Variants in DDHD1 observed in about 807,000 individuals in gnomAD.
The protein encoded by DDHD1 is phospholipase DDHD1.
In DDHD1, 49 loss-of-function variants were observed where a neutral mutation model predicts 96.4. That is an observed-to-expected ratio of 0.51 (90% CI 0.40 to 0.64). DDHD1 has a LOEUF of 0.64. DDHD1 is among the 30% of genes least tolerant of loss of function. The probability of loss-of-function intolerance (pLI) is 0.00; values close to 1 mark genes in which losing one functional copy is unlikely to be tolerated. For missense variants in DDHD1, 1,106 were observed against 1,161.2 expected, an observed-to-expected ratio of 0.95 and a Z score of 0.69; for synonymous variants, 442 against 446.5, an observed-to-expected ratio of 0.99 and a Z score of 0.13.
chr14:53,110,082 G>A (rs1887995731), intron 1 of DDHD1, among the ~76,000 whole-genome samples: 1 of 152,146 alleles, frequency 6.6e-6, no homozygotes, highest in East Asian at 1.9e-4. Flanking sequence ...CAGTATTTAG[G>A]TGGCTACCCA....
rs1372129783 is a variant in DDHD1, at chr14:53,044,994, G to A, written c.*1774C>T. 1 of 152,170 alleles carries A rather than the reference G, an allele frequency of 6.6e-6. No homozygotes were observed. Among genetic ancestry groups the A allele is most frequent in the Non-Finnish European group, 1.5e-5 (1 of 68,042 alleles). 9.4% of individuals were successfully genotyped at this position (152,170 alleles called of 1,614,324 possible). A position where few individuals can be genotyped will look rare whatever the true frequency, so the allele number is the denominator to read the frequency against. ...CCTAGTGGAAACCACTCAGAAGTGAGGGTTGTGTGCAACAGGGATGGCTAC... is the reference window on the plus strand; with the variant it reads ...CCTAGTGGAAACCACTCAGAAGTGAAGGTTGTGTGCAACAGGGATGGCTAC... On this transcript the variant is annotated 3_prime_UTR_variant, in exon 13 of 13. Coordinates refer to ENST00000673822, the MANE Select transcript of DDHD1 (RefSeq NM_001160148.2).
rs1881945939 is a variant in DDHD1, at chr14:53,045,492, G to C, written c.*1276C>G. On this transcript the variant is annotated 3_prime_UTR_variant, in exon 13 of 13. Transcript: ENST00000673822. ...TCCCATCTTGGCCTCCCGAAGTGTT[G>C]GGATTACAGGCGTGAACCACGGTGA... 6.6e-6 allele frequency: 1 copy of C among 152,202 alleles called. No individual in the cohort carries two copies. The highest frequency in any genetic ancestry group is 1.5e-5 in the Non-Finnish European group (1 of 68,064). 9.4% of individuals were successfully genotyped at this position (152,202 alleles called of 1,614,324 possible).
intron 2 of DDHD1, chr14:53,096,270 C>T (rs1886877043): frequency 1.2e-6 from 1 of 854,688 alleles, no homozygotes; most frequent in African/African-American, 1.8e-5. Flanking sequence ...TGAGATTTGC[C>T]ATTTTGCCTT....
At chr14:53,107,066 T>C (rs1371320646) in intron 1 of DDHD1, among the ~76,000 whole-genome samples, 1 of 152,204 alleles carries the variant, frequency 6.6e-6, no homozygotes, top group Non-Finnish European at 1.5e-5. Context: ...GTAATTAATA[T>C]ACAGTAGTCC....
intron 1 of DDHD1, among the ~76,000 whole-genome samples, chr14:53,132,493 CATCT>C (rs952454712): frequency 9.8e-5 from 15 of 152,288 alleles, no homozygotes; most frequent in African/African-American, 3.4e-4. Context: ...GTGTCTTCCC[CATCT>C]ATCACTGAGT....
intron 4 of DDHD1, among the ~76,000 whole-genome samples, chr14:53,082,336 A>C (rs1406547636): frequency 1.3e-5 from 2 of 152,196 alleles, no homozygotes; most frequent in Non-Finnish European, 2.9e-5. Context: ...ATTAGAAAAA[A>C]ATTGGTAAAC....
chr14:53,141,730 T>G (rs1366547488), intron 1 of DDHD1, among the ~76,000 whole-genome samples: 2 of 152,126 alleles, frequency 1.3e-5, no homozygotes, highest in Admixed American at 6.5e-5. Context: ...GGAATTAAGG[T>G]GAAGTGTGAA....
chr14:53,152,387 A>T lies in DDHD1; in HGVS notation c.712T>A (p.Cys238Ser). Residue 238 changes from cysteine (C) to serine (S), a missense_variant, in exon 1 of 13, where the codon TGC becomes AGC. Physicochemically the swap from Cys to Ser is moderately radical, Grantham distance 112 (BLOSUM62 -1). Coordinates refer to ENST00000673822, the MANE Select transcript of DDHD1 (RefSeq NM_001160148.2). ...GGCTCGTGCCCCGTCGTACTCTGGCAGAAGCCGCAGGCGCGGTCCTCATCG... is the reference window on the plus strand; with the variant it reads ...GGCTCGTGCCCCGTCGTACTCTGGCTGAAGCCGCAGGCGCGGTCCTCATCG... The part of the protein sequence containing the change: ...DDDEDRACGF[C>S]QSTTGHEPEM... The T allele has an allele frequency of 6.2e-7, 1 of 1,613,844 alleles. No individual in the cohort carries two copies. The highest frequency in any genetic ancestry group is 8.5e-7 in the Non-Finnish European group (1 of 1,179,946).
Position 53,058,526 on chromosome 14 carries a change from C to T in DDHD1, c.1943G>A (p.Arg648Lys). 6.2e-7 allele frequency: 1 copy of T among 1,613,790 alleles called. No individual in the cohort carries two copies. The highest frequency in any genetic ancestry group is 1.3e-5 in the African/African-American group (1 of 75,044). The change falls in exon 9 of 13, where the codon AGA becomes AAA. Residue 648 changes from arginine to lysine, a missense_variant. This residue lies in a region of DDHD1 where 650 missense variants were observed against 758.8 expected (regional missense o/e 0.86). Coordinates refer to ENST00000673822, the MANE Select transcript of DDHD1 (RefSeq NM_001160148.2). ...NTGSQDHILP[R>K]EICNRLLNIF... The stretch of plus-strand genomic sequence containing the variant: ...ATTTAGTAACCGGTTACAAATCTCT[C>T]TAGGCAAAATATGGTCTTGACTTCC...
intron 2 of DDHD1, among the ~76,000 whole-genome samples, chr14:53,095,809 T>C (rs531996868): frequency 6.6e-6 from 1 of 152,296 alleles, no homozygotes; most frequent in South Asian, 2.1e-4. Context: ...GAGCAACAGA[T>C]GCTTAAAACG....
At chr14:53,070,894 C>T (rs1232707536) in intron 6 of DDHD1, among the ~76,000 whole-genome samples, 2 of 152,056 alleles carry the variant, frequency 1.3e-5, no homozygotes, top group Admixed American at 6.6e-5. Context: ...ATTAAAAACA[C>T]TGATGAAAGA....
intron 4 of DDHD1, among the ~76,000 whole-genome samples, chr14:53,091,065 C>A (rs1331962820): frequency 6.6e-6 from 1 of 152,098 alleles, no homozygotes; most frequent in African/African-American, 2.4e-5. Flanking sequence ...ATCAAATAAA[C>A]TGGGCTTGTC....
chr14:53,152,113 G>GAGTTA, intron 1 of DDHD1, 148 bp downstream of exon 1: 7 of 833,734 alleles, frequency 8.4e-6, no homozygotes, highest in South Asian at 3.9e-5. Context: ...AGCTGCCGAC[G>GAGTTA]CTCCCTGCTC....
chr14:53,058,764 CAGATGGGCT>C, intron 8 of DDHD1, 138 bp from the exon 9 acceptor site: 2 of 698,650 alleles, frequency 2.9e-6, no homozygotes, highest in Admixed American at 3.3e-5. Context: ...AAGAGTTATC[CAGATGGGCT>C]CTGCCAACCA....
At chr14:53,111,079 T>G (rs1355937090) in intron 1 of DDHD1, among the ~76,000 whole-genome samples, 2 of 152,214 alleles carry the variant, frequency 1.3e-5, no homozygotes, top group Admixed American at 1.3e-4. Flanking sequence ...TCTTCTTGAC[T>G]GAAAAATAAT....
At chr14:53,085,402 G>A (rs1350274653) in intron 4 of DDHD1, among the ~76,000 whole-genome samples, 1 of 152,162 alleles carries the variant, frequency 6.6e-6, no homozygotes, top group African/African-American at 2.4e-5. Context: ...ACAGCCGGGT[G>A]CCCCTCTGAG....
Position 53,062,966 on chromosome 14 carries a change from A to G in DDHD1, c.1743T>C (p.Asp581=), listed in dbSNP as rs201166214. Residue 581 remains aspartate, a synonymous_variant, in exon 7 of 13, where the codon GAT becomes GAC. Coordinates refer to ENST00000673822, the MANE Select transcript of DDHD1 (RefSeq NM_001160148.2). ...ACCGTCGTTTAGTTATATAGAGTTCATCAAGAAGATGTCGTTCTTCATAGC... is the reference window on the plus strand; with the variant it reads ...ACCGTCGTTTAGTTATATAGAGTTCGTCAAGAAGATGTCGTTCTTCATAGC... ...WMSYEERHLL[D]ELYITKRRLK... 3.7e-6 allele frequency: 6 copies of G among 1,613,958 alleles called. No individual in the cohort carries two copies. The highest frequency in any genetic ancestry group is 5.1e-6 in the Non-Finnish European group (6 of 1,179,988).
intron 6 of DDHD1, among the ~76,000 whole-genome samples, chr14:53,065,595 C>T (rs530221674): frequency 2.0e-5 from 3 of 152,242 alleles, no homozygotes; most frequent in East Asian, 1.9e-4. Flanking sequence ...GATTGATATA[C>T]ACAACTTTTC....
At chr14:53,053,018 T>C (rs1212226083) in intron 11 of DDHD1, 1 of 151,736 alleles carries the variant, frequency 6.6e-6, no homozygotes, top group Non-Finnish European at 1.5e-5. Context: ...TCAGAGCCTG[T>C]AGATTCTATA....
Sources: gnomAD v4.1 joint callset for allele counts (sites outside exome capture counted in the v4.1 genomes callset) on GRCh38, gnomAD v4.1.1 for gene constraint, gnomAD v4.1.1 regional missense constraint, MANE v1.5 for transcripts, NCBI Gene and HGNC (gene_info 2026-07-23, HGNC 2026-07-21) for gene names.